Variants in PHF20L1 observed in about 807,000 individuals in gnomAD.
The protein encoded by PHF20L1 is PHD finger protein 20-like protein 1.
In PHF20L1, 44 loss-of-function variants were observed where a neutral mutation model predicts 125.5. The ratio of observed to expected loss-of-function variants is 0.35; its 90% confidence interval spans 0.28 to 0.45. The LOEUF is 0.45. PHF20L1 is among the 20% of genes least tolerant of loss of function. The pLI is 1.00. For synonymous variants in PHF20L1, 380 were observed against 403.1 expected (o/e 0.94, Z 0.69); for missense variants, 1,012 against 1,217.2 (o/e 0.83, Z 2.51).
At chr8:132,835,643 A>G (rs1393890264) in intron 15 of PHF20L1, among the ~76,000 whole-genome samples, 1 of 152,112 alleles carries the variant, frequency 6.6e-6, no homozygotes, top group Non-Finnish European at 1.5e-5. Context: ...TGCTTAATCT[A>G]AAAATATATT....
chr8:132,803,654 T>C (rs931631266), intron 6 of PHF20L1, 165 bp from the exon 7 acceptor site: 16 of 558,676 alleles, frequency 2.9e-5, no homozygotes, highest in African/African-American at 2.9e-4. Flanking sequence ...TTAAATTTGA[T>C]AACCTACCAT....
intron 19 of PHF20L1, 67 bp from the exon 20 acceptor site, chr8:132,844,089 T>A: frequency 6.3e-7 from 1 of 1,592,416 alleles, no homozygotes; most frequent in African/African-American, 1.3e-5. Flanking sequence ...GTTTCCTGTA[T>A]CCTTAACTCA....
chr8:132,816,559 C>T (rs996930574), intron 10 of PHF20L1: 4 of 203,598 alleles, frequency 2.0e-5, no homozygotes, highest in Admixed American at 5.4e-5. Flanking sequence ...ACTATTTTCC[C>T]GAAGGAAAAA....
chr8:132,811,940 C>G, intron 9 of PHF20L1: 5 of 978,948 alleles, frequency 5.1e-6, no homozygotes, highest in East Asian at 1.1e-4. Flanking sequence ...ATCTTTTGCT[C>G]TCCTCTAGAT....
At chr8:132,794,629 G>A in intron 3 of PHF20L1, 48 bp downstream of exon 3, 5 of 1,518,950 alleles carry the variant, frequency 3.3e-6, no homozygotes, top group Non-Finnish European at 4.5e-6. Context: ...GCTATGTAAT[G>A]ACATATTTTA....
intron 4 of PHF20L1, among the ~76,000 whole-genome samples, chr8:132,795,506 T>A (rs1832284364): frequency 6.6e-6 from 1 of 152,140 alleles, no homozygotes; most frequent in Non-Finnish European, 1.5e-5. Flanking sequence ...TTTGGAAAGT[T>A]GTGAGAATTA....
At chr8:132,805,565 C>T (rs1203392354) in intron 8 of PHF20L1, among the ~76,000 whole-genome samples, 1 of 151,966 alleles carries the variant, frequency 6.6e-6, no homozygotes, top group Non-Finnish European at 1.5e-5. Context: ...ATTAAAAGGA[C>T]AGAATCTTTT....
At chr8:132,842,950 A>G in intron 19 of PHF20L1, 75 bp downstream of exon 19, 2 of 1,479,814 alleles carry the variant, frequency 1.4e-6, no homozygotes, top group Non-Finnish European at 1.8e-6. Flanking sequence ...AATAAGGCAT[A>G]CTGAATTCCC....
chr8:132,810,915 A>C, intron 8 of PHF20L1, 131 bp from the exon 9 acceptor site: 2 of 663,418 alleles, frequency 3.0e-6, no homozygotes, highest in South Asian at 3.4e-5. Flanking sequence ...TTTTGAAAAG[A>C]AAACATTTGA....
chr8:132,830,889 A>T (rs553378388), intron 14 of PHF20L1, among the ~76,000 whole-genome samples: 8 of 152,066 alleles, frequency 5.3e-5, no homozygotes, highest in Admixed American at 5.2e-4. Flanking sequence ...GCCCCATCTC[A>T]TACCCACTTT....
intron 7 of PHF20L1, 56 bp from the exon 8 acceptor site, chr8:132,804,557 CAT>C: frequency 7.3e-7 from 1 of 1,363,694 alleles, no homozygotes; most frequent in South Asian, 1.3e-5. Context: ...GTTAAAAAAT[CAT>C]GTGTTTTAAT....
intron 9 of PHF20L1, chr8:132,812,521 G>A (rs1834515673): frequency 1.0e-6 from 1 of 984,812 alleles, no homozygotes; most frequent in Non-Finnish European, 1.2e-6. Flanking sequence ...AAACTTTTGA[G>A]AGTCCTTGCC....
chr8:132,832,915 G>T (rs1039290357), intron 15 of PHF20L1, among the ~76,000 whole-genome samples: 6 of 152,084 alleles, frequency 3.9e-5, no homozygotes, highest in African/African-American at 1.4e-4. Flanking sequence ...TTAAACACAG[G>T]CAGGAACTAA....
At chr8:132,805,066 G>A (rs1048238920) in intron 8 of PHF20L1, among the ~76,000 whole-genome samples, 3 of 151,840 alleles carry the variant, frequency 2.0e-5, no homozygotes, top group East Asian at 1.9e-4. Flanking sequence ...GTCAACTTAC[G>A]GTGACACAGT....
chr8:132,779,858 T>G (rs1830228018), intron 2 of PHF20L1, among the ~76,000 whole-genome samples: 1 of 152,216 alleles, frequency 6.6e-6, no homozygotes, highest in Non-Finnish European at 1.5e-5. Flanking sequence ...AAGTTGTATC[T>G]TCTTGCCACA....
intron 13 of PHF20L1, 37 bp downstream of exon 13, chr8:132,824,097 A>G (rs1835893848): frequency 3.0e-6 from 4 of 1,313,886 alleles, no homozygotes; most frequent in Non-Finnish European, 3.3e-6. Context: ...AAAAGACTAT[A>G]AAGCTTGACA....
chr8:132,801,908 GT>G (rs1833096537), intron 6 of PHF20L1, among the ~76,000 whole-genome samples: 1 of 151,406 alleles, frequency 6.6e-6, no homozygotes, highest in Admixed American at 6.6e-5. Context: ...TCTCTTTTTA[GT>G]TTTTTTCTTT....
chr8:132,845,937 T>G lies in PHF20L1; in HGVS notation c.*14T>G, dbSNP rs145686163. 8.2e-3 allele frequency: 13,100 copies of G among 1,599,676 alleles called. 73 individuals are homozygous for G. The highest frequency in any genetic ancestry group is 9.7e-3 in the Non-Finnish European group (11,371 of 1,169,938). ...TGCTCTGTATGACAACAGTGAACAC[T>G]TAATGAAAGAATGTGGCTTTCTTCA... On this transcript the variant is annotated 3_prime_UTR_variant, in exon 21 of 21. Coordinates refer to ENST00000395386, the MANE Select transcript of PHF20L1 (RefSeq NM_016018.5).
At chr8:132,813,828 G>A (rs1834657335) in intron 9 of PHF20L1, among the ~76,000 whole-genome samples, 2 of 151,868 alleles carry the variant, frequency 1.3e-5, no homozygotes, top group African/African-American at 4.8e-5. Flanking sequence ...ACAGCCAAAT[G>A]AATAAAAATG....
Sources: gnomAD v4.1 joint callset for allele counts (sites outside exome capture counted in the v4.1 genomes callset) on GRCh38, gnomAD v4.1.1 for gene constraint, MANE v1.5 for transcripts, NCBI Gene and HGNC (gene_info 2026-07-23, HGNC 2026-07-21) for gene names.